The following CWF19L2 variants were observed in gnomAD, a reference collection of about 807,000 sequenced individuals.
CWF19L2 encodes CWF19 like cell cycle control factor 2, also known as CWF19-like protein 2.
In CWF19L2, 98 loss-of-function variants were observed where a neutral mutation model predicts 111.7. That is an observed-to-expected ratio of 0.88 (90% CI 0.75 to 1.04). The LOEUF is 1.04. Among genes scored for constraint, CWF19L2 ranks in the 50% least tolerant of loss-of-function variants. CWF19L2 has a pLI of 0.00. For synonymous variants in CWF19L2, 351 were observed against 342.9 expected (o/e 1.02, Z -0.26); for missense variants, 1,101 against 1,051.4 (o/e 1.05, Z -0.65).
intron 12 of CWF19L2, among the ~76,000 whole-genome samples, chr11:107,360,091 C>A (rs12361977): frequency 0.16 from 23,791 of 152,146 alleles, 2,141 homozygotes; most frequent in Middle Eastern, 0.26. Context: ...TAAGTAATTT[C>A]TCATCATCTG....
At chr11:107,330,120 C>A in intron 16 of CWF19L2, 101 bp from the exon 17 acceptor site, 2 of 580,104 alleles carry the variant, frequency 3.4e-6, no homozygotes, top group Non-Finnish European at 5.7e-6. Context: ...CTTAAGCATT[C>A]CTCAAGACAA....
intron 14 of CWF19L2, among the ~76,000 whole-genome samples, chr11:107,337,367 TTGTGTG>T (rs5794537): frequency 0.13 from 18,812 of 148,048 alleles, 1,220 homozygotes; most frequent in Middle Eastern, 0.21. Flanking sequence ...GGTGTGTGTT[TTGTGTG>T]TGTGTGTGTG....
In CWF19L2 at chr11:107,429,446, C is replaced by A; in HGVS notation, c.786G>T (p.Met262Ile). The change falls in exon 8 of 18, where the codon ATG becomes ATT. Residue 262 changes from methionine to isoleucine, a missense_variant. Met to Ile is a conservative substitution (Grantham distance 10, BLOSUM62 1). Coordinates refer to ENST00000282251, the MANE Select transcript of CWF19L2 (RefSeq NM_152434.3). Reference protein sequence around the residue: ...EDIVAERYGSMEIFQSKLEDA... With the variant: ...EDIVAERYGSIEIFQSKLEDA... ...CTTCTAATTTTGACTGAAATATTTC[C>A]ATTGACTACAAAGGAGAAAAATTAA... 1 of 1,545,614 alleles carries A rather than the reference C, an allele frequency of 6.5e-7. No homozygotes were observed. The highest frequency in any genetic ancestry group is 8.7e-7 in the Non-Finnish European group (1 of 1,146,340).
intron 14 of CWF19L2, among the ~76,000 whole-genome samples, chr11:107,343,857 T>G (rs958663241): frequency 6.6e-6 from 1 of 152,182 alleles, no homozygotes; most frequent in Non-Finnish European, 1.5e-5. Context: ...CTTCCCTTTA[T>G]GTCCATTTAC....
At chr11:107,443,079 G>T in intron 3 of CWF19L2, 30 bp from the exon 4 acceptor site, 1 of 1,386,596 alleles carries the variant, frequency 7.2e-7, no homozygotes, top group Non-Finnish European at 1.0e-6. Context: ...AAGTGAAATT[G>T]TCAAATTTGC....
intron 12 of CWF19L2, among the ~76,000 whole-genome samples, chr11:107,385,858 A>T (rs926309413): frequency 1.3e-5 from 2 of 152,196 alleles, no homozygotes; most frequent in Non-Finnish European, 2.9e-5. Flanking sequence ...TTCAGTTATG[A>T]CTGACTGTTG....
At chr11:107,445,952 C>T (rs116269020) in intron 3 of CWF19L2, among the ~76,000 whole-genome samples, 205 of 151,972 alleles carry the variant, frequency 1.3e-3, no homozygotes, top group African/African-American at 3.8e-3. Context: ...TTCTGGAAGT[C>T]AAGTTAAGAA....
intron 7 of CWF19L2, among the ~76,000 whole-genome samples, chr11:107,433,304 A>C (rs1861490535): frequency 6.6e-6 from 1 of 152,132 alleles, no homozygotes; most frequent in South Asian, 2.1e-4. Context: ...GAATATACCT[A>C]ACTCTGGAAT....
At chr11:107,339,573 G>C in intron 14 of CWF19L2, among the ~76,000 whole-genome samples, 1 of 151,630 alleles carries the variant, frequency 6.6e-6, no homozygotes, top group Non-Finnish European at 1.5e-5. Flanking sequence ...TTTCCTAAGG[G>C]CCAATGATAT....
At chr11:107,457,199 G>T (rs980006188) in intron 1 of CWF19L2, among the ~76,000 whole-genome samples, 1 of 152,218 alleles carries the variant, frequency 6.6e-6, no homozygotes, top group African/African-American at 2.4e-5. Flanking sequence ...TAAATATACT[G>T]AGATTGGTGT....
chr11:107,328,309 A>G (rs895771364), intron 17 of CWF19L2, among the ~76,000 whole-genome samples: 1 of 152,166 alleles, frequency 6.6e-6, no homozygotes, highest in African/African-American at 2.4e-5. Flanking sequence ...CATCGGTCCA[A>G]ATAAGCAATG....
intron 12 of CWF19L2, among the ~76,000 whole-genome samples, chr11:107,375,150 A>G (rs1275554273): frequency 1.5e-5 from 2 of 136,238 alleles, no homozygotes; most frequent in African/African-American, 5.7e-5. Flanking sequence ...AAAGAGACTT[A>G]GACTCCCACA....
chr11:107,344,135 C>A (rs765541388), intron 14 of CWF19L2, among the ~76,000 whole-genome samples: 1 of 152,138 alleles, frequency 6.6e-6, no homozygotes, highest in Non-Finnish European at 1.5e-5. Flanking sequence ...ATCGATTGAA[C>A]CCAGGAGGCA....
intron 14 of CWF19L2, 61 bp downstream of exon 14, chr11:107,348,876 C>A (rs992052962): frequency 5.5e-6 from 5 of 916,166 alleles, no homozygotes; most frequent in South Asian, 1.6e-5. Flanking sequence ...GAATTTATCA[C>A]AATAATTTAC....
intron 10 of CWF19L2, chr11:107,403,619 G>A (rs1273386468): frequency 1.8e-5 from 14 of 779,394 alleles, no homozygotes; most frequent in Non-Finnish European, 3.1e-5. Flanking sequence ...TGTCTCCATT[G>A]GAATGTTCTC....
chr11:107,385,079 C>G (rs1484094680), intron 12 of CWF19L2, among the ~76,000 whole-genome samples: 2 of 152,234 alleles, frequency 1.3e-5, no homozygotes, highest in East Asian at 3.9e-4. Flanking sequence ...GCCAACACTT[C>G]AAATACTTTC....
intron 8 of CWF19L2, among the ~76,000 whole-genome samples, chr11:107,422,747 T>C (rs1320906740): frequency 6.6e-6 from 1 of 152,024 alleles, no homozygotes; most frequent in Non-Finnish European, 1.5e-5. Flanking sequence ...TTTCTACAAA[T>C]TTGGTTTTCC....
At chr11:107,370,549 GA>G (rs11376850) in intron 12 of CWF19L2, among the ~76,000 whole-genome samples, 1,288 of 119,904 alleles carry the variant, frequency 0.011, 198 homozygotes, top group Non-Finnish European at 0.017. Flanking sequence ...TTCTTCAAGG[GA>G]AAAAAAAAAA....
intron 12 of CWF19L2, among the ~76,000 whole-genome samples, chr11:107,388,948 GAT>G (rs1331366948): frequency 6.6e-6 from 1 of 152,108 alleles, no homozygotes; most frequent in East Asian, 1.9e-4. Context: ...AACTCTTGCT[GAT>G]AGGTACAAAA....
Sources: gnomAD v4.1 joint callset for allele counts (sites outside exome capture counted in the v4.1 genomes callset) on GRCh38, gnomAD v4.1.1 for gene constraint, MANE v1.5 for transcripts, NCBI Gene and HGNC (gene_info 2026-07-23, HGNC 2026-07-21) for gene names.